Variants in BLTP3A observed in about 807,000 individuals in gnomAD.
BLTP3A encodes the protein ICBP90 binding protein 1.
At chr6:34,848,999 C>CT in the BLTP3A span, among the ~76,000 whole-genome samples, 16,264 of 50,280 alleles carry the variant, frequency 0.32, 1,173 homozygotes, top group Middle Eastern at 0.42. Context: ...TTTTCTTTTT[C>CT]TTTTTTTTTT....
the BLTP3A span, chr6:34,859,420 A>G: frequency 6.2e-7 from 1 of 1,614,150 alleles, no homozygotes; most frequent in Non-Finnish European, 8.5e-7. Flanking sequence ...GTCAAGTGCT[A>G]TTCACATGAC....
At chr6:34,855,433 T>C in the BLTP3A span, among the ~76,000 whole-genome samples, 2 of 152,190 alleles carry the variant, frequency 1.3e-5, no homozygotes, top group African/African-American at 4.8e-5. Context: ...GCATGTCCAT[T>C]GGATATTGTA....
At chr6:34,795,601 C>G in the BLTP3A span, among the ~76,000 whole-genome samples, 1 of 147,098 alleles carries the variant, frequency 6.8e-6, no homozygotes, top group Non-Finnish European at 1.5e-5. Flanking sequence ...CAGGGTTTCA[C>G]CATGTTAGCC....
At chr6:34,810,927 A>G in the BLTP3A span, among the ~76,000 whole-genome samples, 2 of 152,250 alleles carry the variant, frequency 1.3e-5, no homozygotes, top group African/African-American at 4.8e-5. Flanking sequence ...ATGATAGACT[A>G]GTATCTACAT....
the BLTP3A span, among the ~76,000 whole-genome samples, chr6:34,811,037 C>T: frequency 6.6e-5 from 10 of 152,196 alleles, no homozygotes; most frequent in African/African-American, 1.9e-4. Context: ...TGTCACAAAT[C>T]TCCAAAAATT....
chr6:34,867,689 C>A, the BLTP3A span: 1 of 1,520,324 alleles, frequency 6.6e-7, no homozygotes. Context: ...TTGTACTTGT[C>A]ACTGTGCTCT....
chr6:34,855,861 A>C, the BLTP3A span: 1 of 985,430 alleles, frequency 1.0e-6, no homozygotes. Flanking sequence ...GGACGTCTGG[A>C]AACTTGCAGG....
the BLTP3A span, among the ~76,000 whole-genome samples, chr6:34,837,342 G>A: frequency 1.3e-5 from 2 of 152,198 alleles, no homozygotes; most frequent in African/African-American, 4.8e-5. Flanking sequence ...AGGAGTTTGA[G>A]ACCAGCCTGG....
the BLTP3A span, chr6:34,835,282 T>G: frequency 1.2e-6 from 2 of 1,613,194 alleles, no homozygotes; most frequent in South Asian, 2.2e-5. Context: ...ATGTTGTCTG[T>G]GGCTTCCTCA....
At chr6:34,855,846 C>A in the BLTP3A span, 1 of 1,469,468 alleles carries the variant, frequency 6.8e-7, no homozygotes, top group Non-Finnish European at 9.0e-7. Flanking sequence ...TATCCCTCTT[C>A]AAGAGGACGT....
At chr6:34,802,306 A>C in the BLTP3A span, among the ~76,000 whole-genome samples, 1 of 151,622 alleles carries the variant, frequency 6.6e-6, no homozygotes, top group African/African-American at 2.4e-5. Context: ...CCCGGGGTTC[A>C]AGCAATTCTC....
At chr6:34,796,476 T>G in the BLTP3A span, among the ~76,000 whole-genome samples, 1 of 152,220 alleles carries the variant, frequency 6.6e-6, no homozygotes, top group African/African-American at 2.4e-5. Flanking sequence ...GCAAATAGCT[T>G]TAATGCCCAG....
chr6:34,852,797 T>C, the BLTP3A span, among the ~76,000 whole-genome samples: 1 of 152,162 alleles, frequency 6.6e-6, no homozygotes, highest in Non-Finnish European at 1.5e-5. Context: ...CTAGAGCACT[T>C]TAGCATGCAG....
chr6:34,828,477 T>TTA, the BLTP3A span, among the ~76,000 whole-genome samples: 1,553 of 147,564 alleles, frequency 0.011, 26 homozygotes, highest in African/African-American at 0.031. Flanking sequence ...AAGTGTGTAT[T>TTA]TATATATATA....
chr6:34,796,661 C>G, the BLTP3A span, among the ~76,000 whole-genome samples: 1 of 152,180 alleles, frequency 6.6e-6, no homozygotes, highest in Non-Finnish European at 1.5e-5. Flanking sequence ...TAAAGAAAGG[C>G]AAGCATCTAT....
chr6:34,816,253 G>A, the BLTP3A span, among the ~76,000 whole-genome samples: 6 of 152,112 alleles, frequency 3.9e-5, no homozygotes, highest in Non-Finnish European at 1.5e-5. Flanking sequence ...TTTATCTGAA[G>A]TATGTTTCTC....
chr6:34,835,833 C>G, the BLTP3A span, among the ~76,000 whole-genome samples: 1 of 152,256 alleles, frequency 6.6e-6, no homozygotes, highest in South Asian at 2.1e-4. Context: ...ACTACATAGG[C>G]TGAAAGAGAG....
the BLTP3A span, among the ~76,000 whole-genome samples, chr6:34,842,998 T>A: frequency 1.3e-5 from 2 of 152,200 alleles, no homozygotes; most frequent in Non-Finnish European, 1.5e-5. Context: ...TTATTTATTT[T>A]TTTGAAACAG....
chr6:34,875,993 A>G, the BLTP3A span: 138 of 152,742 alleles, frequency 9.0e-4, no homozygotes, highest in African/African-American at 3.1e-3. Context: ...GCCACTGCAC[A>G]TTACCAATTC....
Sources: gnomAD v4.1 joint callset for allele counts (sites outside exome capture counted in the v4.1 genomes callset) on GRCh38, gnomAD v4.1.1 for gene constraint, MANE v1.5 for transcripts, NCBI Gene and HGNC (gene_info 2026-07-23, HGNC 2026-07-21) for gene names.